The following ITGA11 variants were observed in gnomAD, a reference collection of about 807,000 sequenced individuals.
ITGA11 encodes the protein integrin subunit alpha 11.
ITGA11 carries 97 observed loss-of-function variants against 141.9 expected under a neutral mutation model. The observed-to-expected ratio is 0.68, with a 90% CI of 0.58 to 0.81. The LOEUF (loss-of-function observed/expected upper bound fraction) is 0.81, where lower values mean the gene tolerates loss of function less well. Ranked by LOEUF, ITGA11 falls within the 30% of genes least tolerant of loss-of-function variation. ITGA11 has a pLI of 0.00. For synonymous variants in ITGA11, 658 were observed against 624.6 expected (o/e 1.05, Z -0.80); for missense variants, 1,387 against 1,559.2 (o/e 0.89, Z 1.86).
At chr15:68,353,732 T>C (rs900290147) in intron 7 of ITGA11, among the ~76,000 whole-genome samples, 3 of 152,156 alleles carry the variant, frequency 2.0e-5, no homozygotes, top group Non-Finnish European at 2.9e-5. Flanking sequence ...ACAGGCTCCA[T>C]GGGCCTAGAA....
chr15:68,341,482 G>A (rs1894567543), intron 10 of ITGA11, among the ~76,000 whole-genome samples: 1 of 152,248 alleles, frequency 6.6e-6, no homozygotes, highest in Non-Finnish European at 1.5e-5. Context: ...GAAGGGACTT[G>A]CCCAAGGTCA....
chr15:68,396,344 C>A (rs1352092499), intron 2 of ITGA11, among the ~76,000 whole-genome samples: 2 of 151,962 alleles, frequency 1.3e-5, no homozygotes, highest in South Asian at 4.1e-4. Context: ...GAAAAATCAT[C>A]TGATAAAATT....
chr15:68,429,771 C>T lies in ITGA11; in HGVS notation c.52+2244G>A, dbSNP rs534576964. Among the ~76,000 whole-genome samples, 4 of 152,324 alleles carry T rather than the reference C, an allele frequency of 2.6e-5. No homozygotes were observed. The East Asian group carries it at 7.7e-4, about 29-fold the overall frequency. ...ACCAGAGTGGTTTTAAAATATTCAT[C>T]ATCTTCTTTAACTAGTCTCAGAAAA... On this transcript the variant is annotated intron_variant, in intron 1 of 29. Transcript: ENST00000315757.
At chr15:68,312,903 G>A (rs1440644844) in intron 23 of ITGA11, 40 bp from the exon 24 acceptor site, 23 of 1,442,920 alleles carry the variant, frequency 1.6e-5, no homozygotes, top group Non-Finnish European at 2.2e-5. Flanking sequence ...AGCTCAGTCA[G>A]GGCTGGCTGG....
At chr15:68,312,350 A>G (rs979457905) in intron 24 of ITGA11, among the ~76,000 whole-genome samples, 3 of 152,120 alleles carry the variant, frequency 2.0e-5, no homozygotes, top group Non-Finnish European at 2.9e-5. Context: ...TGAGAAGGTG[A>G]TGGCTGGAGC....
chr15:68,418,167 A>G (rs887930886), intron 1 of ITGA11, among the ~76,000 whole-genome samples: 5 of 152,238 alleles, frequency 3.3e-5, no homozygotes, highest in African/African-American at 1.2e-4. Flanking sequence ...CCATCCCAAG[A>G]GCCAGAATCA....
At chr15:68,341,854 C>T (rs1894583646) in intron 10 of ITGA11, among the ~76,000 whole-genome samples, 1 of 152,204 alleles carries the variant, frequency 6.6e-6, no homozygotes, top group African/African-American at 2.4e-5. Flanking sequence ...CTGATTCTCC[C>T]TATGGGAGCT....
chr15:68,364,851 C>G, intron 3 of ITGA11, 53 bp from the exon 4 acceptor site: 2 of 1,532,726 alleles, frequency 1.3e-6, no homozygotes, highest in Non-Finnish European at 1.8e-6. Flanking sequence ...CGCCCTCTGC[C>G]CAGAGCCTGC....
At chr15:68,366,035 T>C (rs1595879962) in intron 3 of ITGA11, among the ~76,000 whole-genome samples, 1 of 152,096 alleles carries the variant, frequency 6.6e-6, no homozygotes, top group Admixed American at 6.5e-5. Flanking sequence ...GACTGGAGGG[T>C]AGGGGCAGCT....
chr15:68,369,614 A>G (rs147860680), intron 2 of ITGA11, among the ~76,000 whole-genome samples: 8 of 152,314 alleles, frequency 5.3e-5, no homozygotes, highest in Admixed American at 3.3e-4. Flanking sequence ...GTCTTAAGGG[A>G]TGAATATGAG....
At chr15:68,365,221 C>T (rs1193336370) in intron 3 of ITGA11, 1 of 985,310 alleles carries the variant, frequency 1.0e-6, no homozygotes, top group Non-Finnish European at 1.2e-6. Flanking sequence ...TTAACCAGTC[C>T]TGTGCCCAAC....
At chr15:68,354,268 C>T (rs1446283132) in intron 7 of ITGA11, among the ~76,000 whole-genome samples, 1 of 152,120 alleles carries the variant, frequency 6.6e-6, no homozygotes, top group African/African-American at 2.4e-5. Flanking sequence ...GCCTTGGTGC[C>T]TAAAATAGTG....
chr15:68,402,062 G>A (rs1194819103), intron 2 of ITGA11, among the ~76,000 whole-genome samples: 1 of 151,258 alleles, frequency 6.6e-6, no homozygotes, highest in African/African-American at 2.4e-5. Context: ...GCACAAGAAG[G>A]GGGAGAGGTT....
Position 68,312,914 on chromosome 15 carries a change from A to C in ITGA11, c.2883-51T>G, listed in dbSNP as rs371758049. On this transcript the variant is annotated intron_variant, in intron 23 of 29. Coordinates refer to ENST00000315757, the MANE Select transcript of ITGA11 (RefSeq NM_001004439.2). ...CGTGAGCTCAGTCAGGGCTGGCTGG[A>C]TGGACAGATGAATGAAAGAGGGAGA... 186 of 1,316,632 alleles carry C rather than the reference A, an allele frequency of 1.4e-4. 1 individual carries two copies. In the East Asian group the frequency reaches 2.9e-3, roughly 21 times the overall value. 81.6% of individuals were successfully genotyped at this position (1,316,632 alleles called of 1,614,324 possible).
At chr15:68,423,831 C>T (rs1897076745) in intron 1 of ITGA11, among the ~76,000 whole-genome samples, 3 of 152,106 alleles carry the variant, frequency 2.0e-5, no homozygotes, top group African/African-American at 4.8e-5. Context: ...ATTCCTTCCT[C>T]ACCCAGCCTG....
intron 10 of ITGA11, among the ~76,000 whole-genome samples, chr15:68,341,680 C>T (rs1362569162): frequency 6.6e-6 from 1 of 152,196 alleles, no homozygotes; most frequent in Admixed American, 6.5e-5. Context: ...CTCTCTCTGC[C>T]TGTTGAGTCC....
intron 2 of ITGA11, among the ~76,000 whole-genome samples, chr15:68,379,154 C>G: frequency 6.6e-6 from 1 of 152,296 alleles, no homozygotes. Flanking sequence ...CTCGTCTATC[C>G]GTTTCTCAAC....
intron 20 of ITGA11, among the ~76,000 whole-genome samples, chr15:68,319,714 G>A (rs1237926691): frequency 1.3e-5 from 2 of 152,256 alleles, no homozygotes; most frequent in South Asian, 2.1e-4. Flanking sequence ...CGTGGTGTGT[G>A]TGCCCCTAAC....
intron 20 of ITGA11, among the ~76,000 whole-genome samples, chr15:68,317,620 G>GA (rs1173522922): frequency 2.0e-5 from 3 of 152,048 alleles, no homozygotes; most frequent in African/African-American, 7.2e-5. Flanking sequence ...GATGGCGGGG[G>GA]CTCATGTATG....
Sources: gnomAD v4.1 joint callset for allele counts (sites outside exome capture counted in the v4.1 genomes callset) on GRCh38, gnomAD v4.1.1 for gene constraint, MANE v1.5 for transcripts, NCBI Gene and HGNC (gene_info 2026-07-23, HGNC 2026-07-21) for gene names.